The following LRRC28 variants were observed in gnomAD, a reference collection of about 807,000 sequenced individuals.
LRRC28 encodes the protein leucine rich repeat containing 28.
In LRRC28, 39 loss-of-function variants were observed where a neutral mutation model predicts 45.7. The ratio of observed to expected loss-of-function variants is 0.85; its 90% CI spans 0.66 to 1.12. The LOEUF is 1.12. LRRC28 is among the 50% of genes most tolerant of loss of function. The pLI is 0.00. For missense variants in LRRC28, 435 were observed against 438.5 expected (o/e 0.99, Z 0.07); for synonymous variants, 206 against 178.8 (o/e 1.15, Z -1.22).
chr15:99,328,565 A>C (rs887194044), intron 5 of LRRC28, among the ~76,000 whole-genome samples: 7 of 151,804 alleles, frequency 4.6e-5, no homozygotes, highest in Non-Finnish European at 1.0e-4. Context: ...TGACTGAATT[A>C]AGAAATACCT....
intron 2 of LRRC28, among the ~76,000 whole-genome samples, chr15:99,266,079 A>G (rs1019933550): frequency 2.7e-4 from 41 of 152,222 alleles, no homozygotes; most frequent in Admixed American, 5.2e-4. Context: ...GATCCTGATT[A>G]AGCAGTTAAT....
chr15:99,324,454 G>C (rs1316234207), intron 5 of LRRC28, among the ~76,000 whole-genome samples: 1 of 152,110 alleles, frequency 6.6e-6, no homozygotes, highest in Non-Finnish European at 1.5e-5. Context: ...GAAAAAGCAA[G>C]TGCTTAAAAA....
intron 5 of LRRC28, among the ~76,000 whole-genome samples, chr15:99,320,314 A>G (rs78120069): frequency 0.023 from 3,536 of 152,240 alleles, 116 homozygotes; most frequent in African/African-American, 0.08. Flanking sequence ...ATTTGTTACT[A>G]AATATAACCT....
At chr15:99,312,974 A>G (rs781195571) in intron 5 of LRRC28, among the ~76,000 whole-genome samples, 1 of 152,230 alleles carries the variant, frequency 6.6e-6, no homozygotes, top group Non-Finnish European at 1.5e-5. Context: ...TCTAAACACT[A>G]CAATCAAAAG....
chr15:99,259,222 C>A, intron 2 of LRRC28: 8 of 1,061,994 alleles, frequency 7.5e-6, no homozygotes, highest in South Asian at 6.3e-5. Flanking sequence ...AAAAACAAGA[C>A]AAAATCTGCC....
intron 2 of LRRC28, chr15:99,260,110 C>A (rs1307310803): frequency 4.4e-6 from 2 of 451,518 alleles, no homozygotes; most frequent in East Asian, 5.2e-5. Flanking sequence ...GGATGCCCCC[C>A]ACCAGTCCCC....
At chr15:99,297,333 G>C (rs1374885526) in intron 5 of LRRC28, 1 of 151,714 alleles carries the variant, frequency 6.6e-6, no homozygotes, top group Non-Finnish European at 1.5e-5. Context: ...CTGCAGCCTT[G>C]ACCTCCTGGG....
rs763787208 is a variant in LRRC28 at position 99,282,313 on chromosome 15, C to G, written c.210-4944C>G. 2.2e-4 allele frequency among the ~76,000 whole-genome samples: 33 copies of G among 151,518 alleles called. 1 individual carries two copies. The highest frequency in any genetic ancestry group is 7.4e-5 in the Non-Finnish European group (5 of 67,948). ...ACTTCTGTACTTTGGGATTTCCTTC[C>G]TGTTCTACAGTCCAGAATTTGCCCC... On this transcript the variant is annotated intron_variant, in intron 3 of 9. Transcript: ENST00000301981.
chr15:99,265,189 T>G (rs2152137298), intron 2 of LRRC28, among the ~76,000 whole-genome samples: 1 of 152,344 alleles, frequency 6.6e-6, no homozygotes, highest in East Asian at 1.9e-4. Context: ...TTTCTCTTGC[T>G]GTACTCAGCT....
At chr15:99,292,578 A>T (rs914434610) in intron 5 of LRRC28, among the ~76,000 whole-genome samples, 1 of 151,688 alleles carries the variant, frequency 6.6e-6, no homozygotes, top group African/African-American at 2.4e-5. Context: ...GTTAGCCAGG[A>T]TGGTCTCGAT....
intron 5 of LRRC28, among the ~76,000 whole-genome samples, chr15:99,291,479 T>C (rs2082120427): frequency 6.6e-6 from 1 of 152,170 alleles, no homozygotes; most frequent in Non-Finnish European, 1.5e-5. Context: ...ACACGTCCCC[T>C]AAATGCTTGA....
intron 6 of LRRC28, among the ~76,000 whole-genome samples, chr15:99,339,218 A>G (rs955818705): frequency 6.6e-6 from 1 of 152,204 alleles, no homozygotes; most frequent in African/African-American, 2.4e-5. Context: ...AATAAGTCCA[A>G]TTATCCAGGC....
chr15:99,272,235 C>A (rs1418620934), intron 2 of LRRC28, among the ~76,000 whole-genome samples: 1 of 152,194 alleles, frequency 6.6e-6, no homozygotes, highest in Non-Finnish European at 1.5e-5. Context: ...ACACATATTT[C>A]TTGTCTACAC....
chr15:99,321,784 C>T (rs567258101), intron 5 of LRRC28, among the ~76,000 whole-genome samples: 10 of 152,210 alleles, frequency 6.6e-5, no homozygotes, highest in Admixed American at 4.6e-4. Flanking sequence ...CTGCTAGGTG[C>T]TAGGAATATG....
rs144112523 is a variant in LRRC28, at chr15:99,329,848, T to A, written c.386-4075T>A. 1.4e-4 allele frequency among the ~76,000 whole-genome samples: 22 copies of A among 152,344 alleles called. No homozygotes were observed. In the East Asian group the frequency reaches 4.1e-3, roughly 28 times the overall value. On this transcript the variant is annotated intron_variant, in intron 5 of 9. Transcript: ENST00000301981. ...GGCTGCACGTGGTCGCCAACCATAGTGGTATGCGTGTATGCATTTTGCTTT... is the reference window on the plus strand; with the variant it reads ...GGCTGCACGTGGTCGCCAACCATAGAGGTATGCGTGTATGCATTTTGCTTT...
intron 5 of LRRC28, among the ~76,000 whole-genome samples, chr15:99,298,766 T>G (rs1432869311): frequency 6.6e-6 from 1 of 152,190 alleles, no homozygotes; most frequent in East Asian, 1.9e-4. Flanking sequence ...TGGAGTGCAG[T>G]GGTGCAATTT....
chr15:99,324,124 A>G (rs1955891206), intron 5 of LRRC28, among the ~76,000 whole-genome samples: 1 of 152,086 alleles, frequency 6.6e-6, no homozygotes, highest in Non-Finnish European at 1.5e-5. Flanking sequence ...ATAGCACTCA[A>G]CCTTATATCC....
At chr15:99,324,737 A>G (rs1199620399) in intron 5 of LRRC28, among the ~76,000 whole-genome samples, 1 of 152,216 alleles carries the variant, frequency 6.6e-6, no homozygotes, top group Admixed American at 6.5e-5. Flanking sequence ...TTTAGCACAA[A>G]AGTAAACAAT....
intron 9 of LRRC28, among the ~76,000 whole-genome samples, chr15:99,369,815 G>GT (rs1047484351): frequency 1.3e-5 from 2 of 152,208 alleles, no homozygotes; most frequent in African/African-American, 4.8e-5. Context: ...GACAGGAACT[G>GT]TAGGTAGGCC....
Sources: allele counts gnomAD v4.1 joint callset (sites outside exome capture counted in the v4.1 genomes callset), GRCh38; gene constraint gnomAD v4.1.1; transcripts MANE v1.5; gene names NCBI Gene and HGNC (gene_info 2026-07-23, HGNC 2026-07-21).